Variants in BTBD16 observed in about 807,000 individuals in gnomAD.
BTBD16 encodes the protein BTB/POZ domain-containing protein 16.
A neutral mutation model predicts 67.4 loss-of-function variants in BTBD16; 66 were observed. The ratio of observed to expected loss-of-function variants is 0.98; its 90% CI spans 0.80 to 1.20. The LOEUF (loss-of-function observed/expected upper bound fraction) is 1.20. BTBD16 is among the 50% of genes most tolerant of loss of function. The pLI, the probability that BTBD16 is intolerant of heterozygous loss-of-function variation, is 0.00. For synonymous variants in BTBD16, 242 were observed against 236.4 expected (o/e 1.02, Z -0.22); for missense variants, 634 against 616.0 (o/e 1.03, Z -0.31).
chr10:122,303,422 T>C (rs575688833), intron 9 of BTBD16, among the ~76,000 whole-genome samples: 120 of 152,382 alleles, frequency 7.9e-4, no homozygotes, highest in African/African-American at 2.8e-3. Context: ...GATATTTGCA[T>C]ATCTAATGAG....
chr10:122,274,423 C>T (rs746449305), intron 1 of BTBD16, among the ~76,000 whole-genome samples: 32 of 152,228 alleles, frequency 2.1e-4, no homozygotes, highest in Non-Finnish European at 3.4e-4. Flanking sequence ...TGTTCTTTCC[C>T]GGAGAGTTCT....
chr10:122,297,394 G>A (rs1370287234), intron 7 of BTBD16, among the ~76,000 whole-genome samples: 3 of 152,204 alleles, frequency 2.0e-5, no homozygotes, highest in African/African-American at 7.2e-5. Flanking sequence ...CCCTCTGGTG[G>A]CACCATAAGG....
chr10:122,302,117 C>T (rs990708599), intron 9 of BTBD16, among the ~76,000 whole-genome samples: 8 of 152,278 alleles, frequency 5.3e-5, no homozygotes, highest in East Asian at 1.9e-4. Context: ...TTTGGAACAA[C>T]GTCCATTTCT....
intron 9 of BTBD16, chr10:122,303,680 GA>G: frequency 1.1e-6 from 1 of 894,424 alleles, no homozygotes; most frequent in South Asian, 5.2e-5. Flanking sequence ...AGTGTCTTAT[GA>G]AAAGCATTTT....
chr10:122,292,513 T>G (rs60103051), intron 7 of BTBD16, among the ~76,000 whole-genome samples: 11,512 of 152,324 alleles, frequency 0.076, 594 homozygotes, highest in African/African-American at 0.14. Context: ...ACTGTACTAT[T>G]CCACTTCGCT....
intron 10 of BTBD16, among the ~76,000 whole-genome samples, chr10:122,319,463 A>G (rs1022111049): frequency 6.6e-6 from 1 of 152,166 alleles, no homozygotes; most frequent in East Asian, 1.9e-4. Flanking sequence ...ATTATTCAGT[A>G]TGATGTGTTG....
chr10:122,325,187 T>A (rs116316732), intron 10 of BTBD16, among the ~76,000 whole-genome samples: 3,619 of 152,284 alleles, frequency 0.024, 143 homozygotes, highest in African/African-American at 0.083. Flanking sequence ...AGGGATGGGA[T>A]GATGGAAATG....
chr10:122,310,286 G>A (rs535655188), intron 10 of BTBD16, among the ~76,000 whole-genome samples: 5 of 152,322 alleles, frequency 3.3e-5, no homozygotes, highest in African/African-American at 4.8e-5. Flanking sequence ...GTAGATTAGC[G>A]GTGTCTATCC....
chr10:122,324,112 C>G (rs1344818991), intron 10 of BTBD16, among the ~76,000 whole-genome samples: 1 of 152,194 alleles, frequency 6.6e-6, no homozygotes, highest in Non-Finnish European at 1.5e-5. Flanking sequence ...TTCCTGTGCC[C>G]TACCCAAATC....
chr10:122,281,580 A>G (rs1388349562), intron 3 of BTBD16, among the ~76,000 whole-genome samples: 1 of 152,118 alleles, frequency 6.6e-6, no homozygotes, highest in Admixed American at 6.5e-5. Context: ...AGGGTATTTA[A>G]CACATCATAA....
At chr10:122,272,196 T>C (rs2096330098) in intron 1 of BTBD16, among the ~76,000 whole-genome samples, 1 of 152,202 alleles carries the variant, frequency 6.6e-6, no homozygotes, top group Non-Finnish European at 1.5e-5. Flanking sequence ...CACATTGCTG[T>C]AAACTCAAGT....
chr10:122,305,891 T>C (rs912437348), intron 9 of BTBD16, among the ~76,000 whole-genome samples: 1 of 152,236 alleles, frequency 6.6e-6, no homozygotes, highest in African/African-American at 2.4e-5. Flanking sequence ...CCTCCAGCTC[T>C]ACCCATGTTG....
chr10:122,335,112 A>G, intron 14 of BTBD16, 133 bp downstream of exon 14: 1 of 541,894 alleles, frequency 1.8e-6, no homozygotes, highest in Non-Finnish European at 3.2e-6. Flanking sequence ...AGTGCTAACC[A>G]CGCTCATGTA....
At chr10:122,288,839 A>G (rs1388700875) in intron 5 of BTBD16, among the ~76,000 whole-genome samples, 1 of 152,168 alleles carries the variant, frequency 6.6e-6, no homozygotes, top group Non-Finnish European at 1.5e-5. Context: ...CCCGAGGAGC[A>G]TGCCGGTGAG....
chr10:122,317,413 C>T (rs895129151), intron 10 of BTBD16, among the ~76,000 whole-genome samples: 2 of 151,928 alleles, frequency 1.3e-5, no homozygotes, highest in African/African-American at 2.4e-5. Flanking sequence ...TTTGGGAGGC[C>T]GAGGCTGGTG....
intron 5 of BTBD16, among the ~76,000 whole-genome samples, chr10:122,287,824 C>T (rs1009288611): frequency 3.3e-5 from 5 of 152,100 alleles, no homozygotes; most frequent in Admixed American, 6.6e-5. Context: ...CTGGAGAGGA[C>T]GTGTTTATTC....
chr10:122,274,352 G>A (rs950571048), intron 1 of BTBD16, among the ~76,000 whole-genome samples: 3 of 152,204 alleles, frequency 2.0e-5, no homozygotes, highest in South Asian at 2.1e-4. Context: ...TGGAGGCAGC[G>A]CCTGACAACA....
intron 10 of BTBD16, among the ~76,000 whole-genome samples, chr10:122,317,375 T>C (rs2096427213): frequency 6.6e-6 from 1 of 151,760 alleles, no homozygotes; most frequent in Non-Finnish European, 1.5e-5. Flanking sequence ...AGGCCGGGTG[T>C]GGTGGCTCAT....
At chr10:122,316,948 C>A (rs115880280) in intron 10 of BTBD16, among the ~76,000 whole-genome samples, 11 of 152,090 alleles carry the variant, frequency 7.2e-5, no homozygotes, top group Non-Finnish European at 1.5e-4. Context: ...TCAGTGCGCC[C>A]GGCTAATTTT....
Sources: allele counts gnomAD v4.1 joint callset (sites outside exome capture counted in the v4.1 genomes callset), GRCh38; gene constraint gnomAD v4.1.1; transcripts MANE v1.5; gene names NCBI Gene and HGNC (gene_info 2026-07-23, HGNC 2026-07-21).